ADAMTS19: variants seen among roughly 807,000 people sequenced by gnomAD.
The protein encoded by ADAMTS19 is A disintegrin and metalloproteinase with thrombospondin motifs 19.
Under a neutral mutation model 153.3 loss-of-function variants are expected in ADAMTS19, and 93 were observed. The observed-to-expected ratio is 0.61, with a 90% CI of 0.51 to 0.72. The LOEUF (loss-of-function observed/expected upper bound fraction) is 0.72, where lower values mean the gene tolerates loss of function less well. Ranked by LOEUF, ADAMTS19 falls within the 30% of genes least tolerant of loss-of-function variation. ADAMTS19 has a pLI of 0.00. For missense variants in ADAMTS19, 1,482 were observed against 1,552.1 expected, an observed-to-expected ratio of 0.95 and a Z score of 0.76; for synonymous variants, 600 against 556.6, an observed-to-expected ratio of 1.08 and a Z score of -1.10.
At position 129,655,900 on chromosome 5, in the gene ADAMTS19, A is replaced by G. The variant is rs141492395; in HGVS notation, c.2304+1467A>G. 3.6e-3 allele frequency among the ~76,000 whole-genome samples: 550 copies of G among 152,338 alleles called. 3 individuals carry two copies. Among genetic ancestry groups the G allele is most frequent in the Admixed American group, 6.5e-3 (99 of 15,298 alleles). ...TTAATTTATTTTATTCCTTAACAGAATACGGCAATTACCAAAATGTAGTTT... is the reference window on the plus strand; with the variant it reads ...TTAATTTATTTTATTCCTTAACAGAGTACGGCAATTACCAAAATGTAGTTT... On this transcript the variant is annotated intron_variant, in intron 14 of 22. Transcript: ENST00000274487.
chr5:129,581,011 A>C (rs1302559233), intron 7 of ADAMTS19, among the ~76,000 whole-genome samples: 1 of 152,142 alleles, frequency 6.6e-6, no homozygotes, highest in Non-Finnish European at 1.5e-5. Context: ...AAAGAATGGT[A>C]CTAGCTCCTC....
rs530678136 is a variant in ADAMTS19 at position 129,650,148 on chromosome 5, G to T, written c.2176+1178G>T. Among the ~76,000 whole-genome samples the T allele has an allele frequency of 8.7e-4, 133 of 152,282 alleles. 1 individual carries two copies. Among genetic ancestry groups the T allele is most frequent in the African/African-American group, 3.0e-3 (124 of 41,552 alleles). Reference sequence around the variant, plus strand: ...ATGGTGCCACTTTACTCTAGCCTGGGTGACAGAGTGAGACCCTGTCTCAAA... The same window carrying T: ...ATGGTGCCACTTTACTCTAGCCTGGTTGACAGAGTGAGACCCTGTCTCAAA... On this transcript the variant is annotated intron_variant, in intron 13 of 22. Transcript: ENST00000274487.
intron 3 of ADAMTS19, among the ~76,000 whole-genome samples, chr5:129,512,055 T>C (rs73242278): frequency 0.12 from 18,273 of 151,964 alleles, 1,545 homozygotes; most frequent in African/African-American, 0.25. Context: ...AAAGTGGTCA[T>C]GGACCAGAAA....
At chr5:129,590,457 C>T (rs12521305) in intron 7 of ADAMTS19, among the ~76,000 whole-genome samples, 87,793 of 151,974 alleles carry the variant, frequency 0.58, 26,913 homozygotes, top group Non-Finnish European at 0.69. Flanking sequence ...CTTATTTGAT[C>T]AGAGATTTAT....
At chr5:129,526,854 C>T (rs1007437140) in intron 4 of ADAMTS19, among the ~76,000 whole-genome samples, 15 of 151,436 alleles carry the variant, frequency 9.9e-5, no homozygotes, top group Non-Finnish European at 7.4e-5. Context: ...TTATGGGGTA[C>T]ATAAGATATT....
chr5:129,690,688 G>A (rs1337104629), intron 18 of ADAMTS19, among the ~76,000 whole-genome samples: 2 of 151,972 alleles, frequency 1.3e-5, no homozygotes, highest in Admixed American at 6.6e-5. Context: ...AAAATAATCA[G>A]CATTTTACAA....
At chr5:129,471,052 G>A (rs902819876) in intron 2 of ADAMTS19, among the ~76,000 whole-genome samples, 4 of 110,826 alleles carry the variant, frequency 3.6e-5, no homozygotes, top group Admixed American at 1.5e-4. Context: ...GTGGTGTGTA[G>A]ATATCAGGAT....
At position 129,461,042 on chromosome 5, in the gene ADAMTS19, GT is replaced by G; in HGVS notation, c.92-57del. ...ATCTATGGACTGTGAGCTTGGAAAT[GT>G]TTGTGCTACTGGAACCGCGGCACTT... is the stretch of plus-strand genomic sequence containing the variant. On this transcript the variant is annotated intron_variant, in intron 1 of 22. Coordinates refer to ENST00000274487, the MANE Select transcript of ADAMTS19 (RefSeq NM_133638.6). The surrounding 1 kb of genome is among the most constrained non-coding windows in gnomAD (Gnocchi z 4.6). 7.7e-7 allele frequency: 1 copy of G among 1,291,598 alleles called. No homozygotes were observed. Among genetic ancestry groups the G allele is most frequent in the Non-Finnish European group, 9.8e-7 (1 of 1,022,948 alleles). 80.0% of individuals were successfully genotyped at this position (1,291,598 alleles called of 1,614,324 possible).
Position 129,608,088 on chromosome 5 carries a change from ATATG to A in ADAMTS19, c.1478+11426_1478+11429del, listed in dbSNP as rs1295440458. ...TCATTATATAATTGGAATTTTATATATATGTGTGTGTGTGTGTGTGTGTGTGTGT... is the reference window on the plus strand; with the variant it reads ...TCATTATATAATTGGAATTTTATATATGTGTGTGTGTGTGTGTGTGTGTGT... On this transcript the variant is annotated intron_variant, in intron 8 of 22. Transcript: ENST00000274487. Among the ~76,000 whole-genome samples the A allele has an allele frequency of 4.0e-5, 4 of 99,346 alleles. 1 individual carries two copies. Among genetic ancestry groups the A allele is most frequent in the East Asian group, 3.2e-4 (1 of 3,162 alleles). The allele number at this position is 99,346 out of a possible 152,430, so 65.2% of individuals were successfully genotyped here.
rs542750168 is a variant in ADAMTS19, at chr5:129,510,817, G to C, written c.913+1575G>C. ...TATAGGTTAATAAAGGATAAATACA[G>C]AGTTCATGTTTGGCAAATGTTGTGC... is the stretch of plus-strand genomic sequence containing the variant. On this transcript the variant is annotated intron_variant, in intron 3 of 22. Transcript: ENST00000274487. Among the ~76,000 whole-genome samples, 7 of 150,818 alleles carry C rather than the reference G, an allele frequency of 4.6e-5. No individual in the cohort carries two copies. In the East Asian group the frequency reaches 1.4e-3, roughly 30 times the overall value.
intron 21 of ADAMTS19, among the ~76,000 whole-genome samples, chr5:129,720,258 G>A (rs773725954): frequency 1.5e-4 from 23 of 149,874 alleles, no homozygotes; most frequent in Non-Finnish European, 3.0e-4. Context: ...TGCAACCTCC[G>A]CCTCCAGGGT....
chr5:129,679,990 T>C, intron 17 of ADAMTS19, 69 bp downstream of exon 17: 4 of 1,382,808 alleles, frequency 2.9e-6, no homozygotes, highest in Non-Finnish European at 3.9e-6. Context: ...CCAGTGCACT[T>C]CCTCTAATAT....
At chr5:129,615,302 C>G (rs2126965053) in intron 8 of ADAMTS19, among the ~76,000 whole-genome samples, 1 of 151,844 alleles carries the variant, frequency 6.6e-6, no homozygotes, top group Non-Finnish European at 1.5e-5. Flanking sequence ...CTGGAATTAA[C>G]TATGAAAATC....
chr5:129,705,194 G>C (rs1561660198), intron 21 of ADAMTS19, among the ~76,000 whole-genome samples: 1 of 152,232 alleles, frequency 6.6e-6, no homozygotes, highest in East Asian at 1.9e-4. Context: ...TCCATGCTTA[G>C]ATGGTCATAA....
intron 3 of ADAMTS19, among the ~76,000 whole-genome samples, chr5:129,511,329 T>C (rs954119407): frequency 1.3e-5 from 2 of 151,890 alleles, no homozygotes; most frequent in South Asian, 2.1e-4. Context: ...TGTTGTGTTA[T>C]TGTACTAGAA....
At chr5:129,494,747 A>C (rs1298917823) in intron 2 of ADAMTS19, among the ~76,000 whole-genome samples, 3 of 152,172 alleles carry the variant, frequency 2.0e-5, no homozygotes, top group African/African-American at 4.8e-5. Context: ...CCATATTGAC[A>C]TGGGCCAAAA....
intron 21 of ADAMTS19, among the ~76,000 whole-genome samples, chr5:129,707,941 A>G (rs931872744): frequency 6.6e-6 from 1 of 152,216 alleles, no homozygotes. Flanking sequence ...AGATTCTCCC[A>G]CTGCCTAAGA....
intron 2 of ADAMTS19, among the ~76,000 whole-genome samples, chr5:129,506,437 G>GTT (rs111482528): frequency 2.3e-4 from 34 of 148,572 alleles, no homozygotes; most frequent in Middle Eastern, 3.5e-3. Flanking sequence ...TAGCTTTCTT[G>GTT]TTTTTTTTTT....
intron 16 of ADAMTS19, among the ~76,000 whole-genome samples, chr5:129,674,988 T>G (rs1754491286): frequency 6.6e-6 from 1 of 152,190 alleles, no homozygotes. Flanking sequence ...TTACTTTGCC[T>G]TCATCTCTGA....
Sources: gnomAD v4.1 joint callset for allele counts (sites outside exome capture counted in the v4.1 genomes callset) on GRCh38, gnomAD v4.1.1 for gene constraint, Gnocchi (gnomAD v3.1) non-coding constraint, MANE v1.5 for transcripts, NCBI Gene and HGNC (gene_info 2026-07-23, HGNC 2026-07-21) for gene names.